KIAA1549L: variants seen among roughly 807,000 people sequenced by gnomAD.
KIAA1549L encodes the protein KIAA1549 like, also known as UPF0606 protein KIAA1549L.
KIAA1549L carries 88 observed loss-of-function variants against 160.7 expected under a neutral mutation model. The observed-to-expected ratio is 0.55, with a 90% CI of 0.46 to 0.65. The LOEUF (loss-of-function observed/expected upper bound fraction) is 0.65, where lower values mean the gene tolerates loss of function less well. KIAA1549L is among the 30% of genes least tolerant of loss of function. The pLI, the probability that KIAA1549L is intolerant of heterozygous loss-of-function variation, is 0.00. For synonymous variants in KIAA1549L, 950 were observed against 976.7 expected (o/e 0.97, Z 0.51); for missense variants, 2,258 against 2,437.5 (o/e 0.93, Z 1.55).
At chr11:33,462,071 T>C (rs1053515896) in intron 1 of KIAA1549L, among the ~76,000 whole-genome samples, 4 of 152,260 alleles carry the variant, frequency 2.6e-5, no homozygotes, top group African/African-American at 7.2e-5. Flanking sequence ...AGCCAATTTT[T>C]AATCCGTAAG....
At chr11:33,599,240 C>A (rs990867204) in intron 13 of KIAA1549L, 4 of 184,416 alleles carry the variant, frequency 2.2e-5, no homozygotes, top group African/African-American at 9.4e-5. Flanking sequence ...AGAGGTTTTT[C>A]TAATTCTCTA....
intron 16 of KIAA1549L, among the ~76,000 whole-genome samples, chr11:33,630,114 A>G (rs557532286): frequency 6.6e-6 from 1 of 151,406 alleles, no homozygotes; most frequent in African/African-American, 2.5e-5. Context: ...TCAGGGACCC[A>G]CTTGAGGAGG....
intron 1 of KIAA1549L, among the ~76,000 whole-genome samples, chr11:33,455,065 G>T (rs1851795065): frequency 6.6e-6 from 1 of 152,040 alleles, no homozygotes; most frequent in African/African-American, 2.4e-5. Flanking sequence ...CTCCAGCCTG[G>T]GCGACAGAGT....
intron 8 of KIAA1549L, among the ~76,000 whole-genome samples, chr11:33,562,490 A>G (rs1215535534): frequency 1.3e-5 from 2 of 152,156 alleles, no homozygotes; most frequent in Admixed American, 6.5e-5. Context: ...CTAGAAGTCT[A>G]AAGCCAAGGT....
intron 1 of KIAA1549L, among the ~76,000 whole-genome samples, chr11:33,422,706 C>T (rs1782676350): frequency 1.3e-5 from 2 of 151,652 alleles, no homozygotes; most frequent in African/African-American, 2.4e-5. Flanking sequence ...TCCCTATGCT[C>T]ACTCCTCTTT....
intron 1 of KIAA1549L, among the ~76,000 whole-genome samples, chr11:33,475,802 A>G (rs1197442919): frequency 6.6e-6 from 1 of 152,130 alleles, no homozygotes; most frequent in Non-Finnish European, 1.5e-5. Flanking sequence ...GGCTGCAGTG[A>G]ACTGTGATTG....
At position 33,381,015 on chromosome 11, in the gene KIAA1549L, G is replaced by A. The variant is rs148516949; in HGVS notation, c.238+4126G>A. Among the ~76,000 whole-genome samples, 48 of 152,038 alleles carry A rather than the reference G, an allele frequency of 3.2e-4. 1 individual carries two copies. The East Asian group carries it at 9.2e-3, about 29-fold the overall frequency. ...GGCCTGTTCTCACAGGGATTAGAGA[G>A]AATGGGGCTTGTTTTTGTTCGTTAC... On this transcript the variant is annotated intron_variant, in intron 1 of 20. Transcript: ENST00000658780.
intron 1 of KIAA1549L, among the ~76,000 whole-genome samples, chr11:33,536,036 A>C (rs1853886095): frequency 6.6e-6 from 1 of 152,250 alleles, no homozygotes; most frequent in Non-Finnish European, 1.5e-5. Flanking sequence ...TTATGTATAA[A>C]GCAAAATTAT....
At chr11:33,451,805 C>T (rs1466892646) in intron 1 of KIAA1549L, among the ~76,000 whole-genome samples, 2 of 152,216 alleles carry the variant, frequency 1.3e-5, no homozygotes, top group Non-Finnish European at 2.9e-5. Flanking sequence ...CCCCCTTGAA[C>T]AAGTCCCTAA....
chr11:33,651,136 G>C (rs1048639403), intron 17 of KIAA1549L, among the ~76,000 whole-genome samples: 1 of 152,126 alleles, frequency 6.6e-6, no homozygotes, highest in Non-Finnish European at 1.5e-5. Context: ...GAGTATTTTA[G>C]GACTTAGATA....
chr11:33,630,756 T>C (rs144335380), intron 16 of KIAA1549L, among the ~76,000 whole-genome samples: 3,488 of 152,176 alleles, frequency 0.023, 139 homozygotes, highest in African/African-American at 0.074. Context: ...TCGCTCACGC[T>C]GGGAGCTGTA....
rs561395177 is a variant in KIAA1549L at position 33,378,193 on chromosome 11, A to T, written c.238+1304A>T. ...CTCAGAAACATACATCCTGTTTTTG[A>T]TTAAAGGATATCAAGTCCTTGGTCG... On this transcript the variant is annotated intron_variant, in intron 1 of 20. Transcript: ENST00000658780. 7.2e-5 allele frequency among the ~76,000 whole-genome samples: 11 copies of T among 152,328 alleles called. 2 individuals are homozygous for T. In the South Asian group the frequency reaches 2.3e-3, roughly 32 times the overall value.
intron 1 of KIAA1549L, among the ~76,000 whole-genome samples, chr11:33,459,126 A>G (rs897452068): frequency 6.6e-6 from 1 of 152,194 alleles, no homozygotes; most frequent in African/African-American, 2.4e-5. Flanking sequence ...TTTGTATGTT[A>G]GTGGAGACTT....
intron 1 of KIAA1549L, among the ~76,000 whole-genome samples, chr11:33,482,977 A>T (rs1343473978): frequency 6.6e-6 from 1 of 152,126 alleles, no homozygotes; most frequent in Non-Finnish European, 1.5e-5. Flanking sequence ...TATTTTCATA[A>T]GAGACATAAG....
intron 15 of KIAA1549L, among the ~76,000 whole-genome samples, chr11:33,614,758 A>T (rs996540937): frequency 6.7e-6 from 1 of 148,562 alleles, no homozygotes; most frequent in South Asian, 2.2e-4. Flanking sequence ...GATTACAGGC[A>T]CGCGCCACCA....
intron 8 of KIAA1549L, among the ~76,000 whole-genome samples, 199 bp from the exon 9 acceptor site, chr11:33,567,877 T>C (rs952826689): frequency 6.6e-6 from 1 of 152,196 alleles, no homozygotes; most frequent in Non-Finnish European, 1.5e-5. Context: ...TCACTTAATC[T>C]TTTCAGCATC....
chr11:33,425,717 C>T (rs1240419854), intron 1 of KIAA1549L, among the ~76,000 whole-genome samples: 2 of 152,192 alleles, frequency 1.3e-5, no homozygotes, highest in African/African-American at 4.8e-5. Flanking sequence ...CACTTTGCAT[C>T]ACACGTCATA....
intron 1 of KIAA1549L, among the ~76,000 whole-genome samples, chr11:33,535,453 A>C (rs2133159158): frequency 6.6e-6 from 1 of 152,192 alleles, no homozygotes; most frequent in Admixed American, 6.5e-5. Context: ...CGGGAAGATC[A>C]CTTGAGCCCA....
At chr11:33,458,588 T>C (rs1464893959) in intron 1 of KIAA1549L, among the ~76,000 whole-genome samples, 1 of 152,214 alleles carries the variant, frequency 6.6e-6, no homozygotes, top group Non-Finnish European at 1.5e-5. Flanking sequence ...AAAGCTGGCC[T>C]GTCTTACAGA....
Sources: allele counts gnomAD v4.1 joint callset (sites outside exome capture counted in the v4.1 genomes callset), GRCh38; gene constraint gnomAD v4.1.1; transcripts MANE v1.5; gene names NCBI Gene and HGNC (gene_info 2026-07-23, HGNC 2026-07-21).